Variants in RIMS4 observed in about 807,000 individuals in gnomAD.
RIMS4 encodes the protein regulating synaptic membrane exocytosis protein 4.
RIMS4 carries 9 observed loss-of-function variants against 29.0 expected under a neutral mutation model. The ratio of observed to expected loss-of-function variants is 0.31; its 90% CI spans 0.19 to 0.54. RIMS4 has a LOEUF of 0.54. Among genes scored for constraint, RIMS4 ranks in the 20% least tolerant of loss-of-function variants. The probability of loss-of-function intolerance (pLI) is 0.94; values close to 1 mark genes in which losing one functional copy is unlikely to be tolerated. For missense variants in RIMS4, 193 were observed against 365.7 expected, an observed-to-expected ratio of 0.53 and a Z score of 3.85; for synonymous variants, 130 against 152.9, an observed-to-expected ratio of 0.85 and a Z score of 1.10.
chr20:44,795,586 C>T (rs112247840), intron 1 of RIMS4, among the ~76,000 whole-genome samples: 49 of 152,030 alleles, frequency 3.2e-4, no homozygotes, highest in African/African-American at 1.1e-3. Flanking sequence ...GAGCCAAGAT[C>T]GTGCCACTGC....
At chr20:44,786,514 G>A (rs115305167) in intron 1 of RIMS4, among the ~76,000 whole-genome samples, 135 of 152,292 alleles carry the variant, frequency 8.9e-4, no homozygotes, top group African/African-American at 3.1e-3. Context: ...TACTAGTGCC[G>A]AGGACGCAGC....
Position 44,756,263 on chromosome 20 carries a change from G to A in RIMS4, c.681C>T (p.Thr227=). 1.2e-6 allele frequency: 2 copies of A among 1,614,010 alleles called. No homozygotes were observed. Among genetic ancestry groups the A allele is most frequent in the East Asian group, 2.2e-5 (1 of 44,866 alleles). ...AGAGCTTGTACCAGCCCACGGCCAG[G>A]GTGGTCAAGTCCAGCTCCTCCAGCA... ...RVLLEELDLT[T]LAVGWYKLFP... The change falls in exon 6 of 6, where the codon ACC becomes ACT. Residue 227 remains threonine, a synonymous_variant. Coordinates refer to ENST00000372851, the MANE Select transcript of RIMS4 (RefSeq NM_182970.4). The surrounding 1 kb of genome is among the most constrained non-coding windows in gnomAD (Gnocchi z 5.9).
intron 2 of RIMS4, among the ~76,000 whole-genome samples, chr20:44,766,155 T>G (rs2066112816): frequency 2.0e-5 from 3 of 152,142 alleles, no homozygotes; most frequent in Non-Finnish European, 4.4e-5. Context: ...TCCATTCCAC[T>G]TCTGCCCACG....
rs2066046751 is a variant in RIMS4 at position 44,753,968 on chromosome 20, C to G, written c.*2166G>C. ...TGTCAGGGCCAAGCCCCTGCTCCCC[C>G]TGGTTGGGACAGCCAGGCTCTGCCC... On this transcript the variant is annotated 3_prime_UTR_variant, in exon 6 of 6. Transcript: ENST00000372851. 2.0e-5 allele frequency: 3 copies of G among 152,736 alleles called. No individual in the cohort carries two copies. The highest frequency in any genetic ancestry group is 7.2e-5 in the African/African-American group (3 of 41,582). 9.5% of individuals were successfully genotyped at this position (152,736 alleles called of 1,614,324 possible). A position where few individuals can be genotyped will look rare whatever the true frequency, so the allele number is the denominator to read the frequency against.
intron 4 of RIMS4, 36 bp from the exon 5 acceptor site, chr20:44,757,073 T>C: frequency 1.2e-6 from 2 of 1,603,712 alleles, no homozygotes; most frequent in Non-Finnish European, 1.7e-6. Flanking sequence ...AGTTCTAGTT[T>C]GGCCCTCAAA....
chr20:44,766,834 TTTGCCCAGGC>T (rs2066115850), intron 2 of RIMS4, among the ~76,000 whole-genome samples: 1 of 152,174 alleles, frequency 6.6e-6, no homozygotes, highest in Non-Finnish European at 1.5e-5. Flanking sequence ...TCTGCATGCC[TTTGCCCAGGC>T]TTCTCTGGCC....
intron 2 of RIMS4, among the ~76,000 whole-genome samples, chr20:44,766,557 A>G (rs2066114545): frequency 6.6e-6 from 1 of 152,170 alleles, no homozygotes; most frequent in Non-Finnish European, 1.5e-5. Flanking sequence ...TCCAGGCAAG[A>G]GCGATGTATG....
At chr20:44,794,631 T>C (rs1407935729) in intron 1 of RIMS4, among the ~76,000 whole-genome samples, 3 of 152,248 alleles carry the variant, frequency 2.0e-5, no homozygotes, top group African/African-American at 4.8e-5. Flanking sequence ...CGGCAGGAAC[T>C]GGCCTGGCCT....
At chr20:44,786,922 A>T (rs1348580338) in intron 1 of RIMS4, among the ~76,000 whole-genome samples, 1 of 152,196 alleles carries the variant, frequency 6.6e-6, no homozygotes, top group East Asian at 1.9e-4. Flanking sequence ...ACACGGTTCT[A>T]GGCACTGGAC....
rs900089101 is a variant in RIMS4, at chr20:44,756,072, G to A, written c.*62C>T. The A allele has an allele frequency of 1.8e-5, 24 of 1,300,174 alleles. No individual in the cohort carries two copies. The highest frequency in any genetic ancestry group is 2.5e-5 in the Non-Finnish European group (23 of 927,430). The allele number at this position is 1,300,174 out of a possible 1,614,324, so 80.5% of individuals were successfully genotyped here. A position where few individuals can be genotyped will look rare whatever the true frequency, so the allele number is the denominator to read the frequency against. ...CTGTTCAATGTGCCCCTGGGCCTGG[G>A]GTCCCAGGTCAGGGCTGGGTGGTCT... On this transcript the variant is annotated 3_prime_UTR_variant, in exon 6 of 6. Coordinates refer to ENST00000372851, the MANE Select transcript of RIMS4 (RefSeq NM_182970.4). This position sits in a 1 kb window ranked among gnomAD's most constrained non-coding sequence, Gnocchi z 5.9.
intron 2 of RIMS4, among the ~76,000 whole-genome samples, chr20:44,767,588 T>C (rs2066119241): frequency 1.3e-5 from 2 of 152,040 alleles, no homozygotes; most frequent in African/African-American, 4.8e-5. Flanking sequence ...ATGCAACCAT[T>C]AAAGAGAAAA....
intron 1 of RIMS4, among the ~76,000 whole-genome samples, chr20:44,787,349 T>C (rs954002062): frequency 6.6e-6 from 1 of 152,202 alleles, no homozygotes; most frequent in South Asian, 2.1e-4. Context: ...TAAAAGCAGC[T>C]AGCATTCATT....
At chr20:44,760,606 C>A (rs115735853) in intron 2 of RIMS4, among the ~76,000 whole-genome samples, 147 of 152,272 alleles carry the variant, frequency 9.7e-4, no homozygotes, top group African/African-American at 3.5e-3. Flanking sequence ...GTCTGAGCAC[C>A]ACAATAATAG....
At chr20:44,796,016 C>A (rs1281122569) in intron 1 of RIMS4, among the ~76,000 whole-genome samples, 1 of 152,070 alleles carries the variant, frequency 6.6e-6, no homozygotes. Context: ...GGAGAGACAG[C>A]CAGAGAGTCC....
chr20:44,764,645 A>G (rs1260559363), intron 2 of RIMS4, among the ~76,000 whole-genome samples: 1 of 152,132 alleles, frequency 6.6e-6, no homozygotes, highest in East Asian at 1.9e-4. Flanking sequence ...TAGTAAACTG[A>G]GGGTGCCGTG....
chr20:44,765,803 G>A (rs1240482907), intron 2 of RIMS4, among the ~76,000 whole-genome samples: 2 of 152,152 alleles, frequency 1.3e-5, no homozygotes, highest in East Asian at 1.9e-4. Flanking sequence ...AGACATCTCG[G>A]GACAACAAAG....
At chr20:44,771,145 C>A in intron 2 of RIMS4, 130 bp downstream of exon 2, 1 of 1,054,958 alleles carries the variant, frequency 9.5e-7, no homozygotes, top group South Asian at 2.1e-5. Flanking sequence ...GGGGGATGAA[C>A]CTGGAGCCCT....
At chr20:44,779,293 A>C (rs2066173615) in intron 1 of RIMS4, among the ~76,000 whole-genome samples, 1 of 152,224 alleles carries the variant, frequency 6.6e-6, no homozygotes. Context: ...TATATCGCAC[A>C]GTTGTAAGTG....
chr20:44,808,063 G>A lies in RIMS4; in HGVS notation c.97+2112C>T, dbSNP rs182781635. On this transcript the variant is annotated intron_variant, in intron 1 of 5. Coordinates refer to ENST00000372851, the MANE Select transcript of RIMS4 (RefSeq NM_182970.4). ...TGTGGCTGCCTCACTAGATGACCTT[G>A]GCATATATATGTGTGTGTGTATATA... Among the ~76,000 whole-genome samples the A allele has an allele frequency of 3.3e-3, 500 of 149,898 alleles. 3 individuals are homozygous for A. The highest frequency in any genetic ancestry group is 2.0e-3 in the Non-Finnish European group (138 of 67,772).
Sources: gnomAD v4.1 joint callset for allele counts (sites outside exome capture counted in the v4.1 genomes callset) on GRCh38, gnomAD v4.1.1 for gene constraint, Gnocchi (gnomAD v3.1) non-coding constraint, MANE v1.5 for transcripts, NCBI Gene and HGNC (gene_info 2026-07-23, HGNC 2026-07-21) for gene names.